XNDC1N: variants seen among roughly 807,000 people sequenced by gnomAD.
The protein encoded by XNDC1N is protein XNDC1N.
At chr11:71,875,750 G>A in the XNDC1N span, among the ~76,000 whole-genome samples, 1 of 152,202 alleles carries the variant, frequency 6.6e-6, no homozygotes, top group Non-Finnish European at 1.5e-5. Flanking sequence ...GGCAGCGCCG[G>A]GCACGTAGCT....
the XNDC1N span, chr11:71,878,570 G>T: frequency 6.4e-7 from 1 of 1,554,652 alleles, no homozygotes; most frequent in Non-Finnish European, 8.7e-7. Flanking sequence ...AAAATGCAAG[G>T]TCTTTCAAGA....
the XNDC1N span, chr11:71,917,531 A>G: frequency 4.3e-6 from 3 of 703,390 alleles, no homozygotes; most frequent in Non-Finnish European, 7.8e-6. Context: ...CCCACAGTCT[A>G]CACCTAATAG....
the XNDC1N span, among the ~76,000 whole-genome samples, chr11:71,905,680 A>G: frequency 6.6e-6 from 1 of 151,972 alleles, no homozygotes; most frequent in Non-Finnish European, 1.5e-5. Context: ...ATTAGAAGCA[A>G]TATCTCCCTA....
At chr11:71,908,565 G>A in the XNDC1N span, among the ~76,000 whole-genome samples, 15 of 152,084 alleles carry the variant, frequency 9.9e-5, no homozygotes, top group Non-Finnish European at 1.9e-4. Context: ...GATATACTGG[G>A]TTAGATGAGG....
At chr11:71,884,586 A>C in the XNDC1N span, 2 of 1,577,152 alleles carry the variant, frequency 1.3e-6, no homozygotes, top group Non-Finnish European at 8.6e-7. Flanking sequence ...TCTTCTTCAG[A>C]CTCCAGGAGA....
chr11:71,896,140 G>T, the XNDC1N span, among the ~76,000 whole-genome samples: 4 of 152,150 alleles, frequency 2.6e-5, no homozygotes, highest in Non-Finnish European at 5.9e-5. Flanking sequence ...TGAGTCGGGC[G>T]TGGTGACCTG....
At chr11:71,922,938 TG>T in the XNDC1N span, among the ~76,000 whole-genome samples, 1 of 152,208 alleles carries the variant, frequency 6.6e-6, no homozygotes, top group Non-Finnish European at 1.5e-5. Context: ...CACTTGATGC[TG>T]GTGGTAACCT....
At chr11:71,904,657 T>C in the XNDC1N span, among the ~76,000 whole-genome samples, 1 of 152,074 alleles carries the variant, frequency 6.6e-6, no homozygotes, top group Non-Finnish European at 1.5e-5. Context: ...GCGCACACTT[T>C]GTGCCATTCA....
At chr11:71,866,038 A>G in the XNDC1N span, among the ~76,000 whole-genome samples, 118 of 152,252 alleles carry the variant, frequency 7.8e-4, no homozygotes, top group Non-Finnish European at 5.0e-4. Flanking sequence ...TAAACTTTCA[A>G]AAAGAAAGAC....
At chr11:71,910,801 T>C in the XNDC1N span, among the ~76,000 whole-genome samples, 1 of 152,168 alleles carries the variant, frequency 6.6e-6, no homozygotes, top group Admixed American at 6.5e-5. Context: ...TGTGGGGTTT[T>C]GTAGACTGTG....
At chr11:71,896,089 C>T in the XNDC1N span, among the ~76,000 whole-genome samples, 7 of 152,284 alleles carry the variant, frequency 4.6e-5, no homozygotes, top group South Asian at 1.2e-3. Context: ...ACCCGCCTGG[C>T]CAACATGATG....
chr11:71,909,625 G>A, the XNDC1N span, among the ~76,000 whole-genome samples: 39 of 152,288 alleles, frequency 2.6e-4, no homozygotes, highest in African/African-American at 7.9e-4. Flanking sequence ...TGTAGATAGC[G>A]GTGCTGAACA....
At chr11:71,898,525 T>G in the XNDC1N span, among the ~76,000 whole-genome samples, 1 of 151,850 alleles carries the variant, frequency 6.6e-6, no homozygotes, top group Non-Finnish European at 1.5e-5. Context: ...AAGAATCGCT[T>G]GAACCCAGGA....
the XNDC1N span, chr11:71,884,277 TC>T: frequency 9.0e-7 from 1 of 1,114,372 alleles, no homozygotes; most frequent in Non-Finnish European, 1.2e-6. Flanking sequence ...TCTCTTGCAT[TC>T]TTTTGCTGTT....
chr11:71,872,436 A>C, the XNDC1N span, among the ~76,000 whole-genome samples: 28,615 of 152,120 alleles, frequency 0.19, 4,923 homozygotes, highest in African/African-American at 0.45. Flanking sequence ...ACCTAGCTCA[A>C]TCTGTAATCT....
chr11:71,927,506 G>A, the XNDC1N span: 1 of 151,362 alleles, frequency 6.6e-6, no homozygotes, highest in Non-Finnish European at 1.5e-5. Flanking sequence ...TGGTAACACA[G>A]CGAGACACCG....
At chr11:71,915,597 T>A in the XNDC1N span, among the ~76,000 whole-genome samples, 1 of 152,212 alleles carries the variant, frequency 6.6e-6, no homozygotes, top group Non-Finnish European at 1.5e-5. Flanking sequence ...GGTATGCCTG[T>A]ATACATGTGT....
the XNDC1N span, among the ~76,000 whole-genome samples, chr11:71,909,204 G>A: frequency 0.053 from 8,035 of 151,522 alleles, 238 homozygotes; most frequent in African/African-American, 0.099. Flanking sequence ...CCAATTACTA[G>A]AAATAGCTAG....
the XNDC1N span, among the ~76,000 whole-genome samples, chr11:71,900,222 G>T: frequency 6.6e-6 from 1 of 152,168 alleles, no homozygotes; most frequent in African/African-American, 2.4e-5. Context: ...AGGGAACTCA[G>T]AGGCCAGTGC....
Sources: gnomAD v4.1 joint callset for allele counts (sites outside exome capture counted in the v4.1 genomes callset) on GRCh38, gnomAD v4.1.1 for gene constraint, MANE v1.5 for transcripts, NCBI Gene and HGNC (gene_info 2026-07-23, HGNC 2026-07-21) for gene names.